Variants in STPG2 observed in about 807,000 individuals in gnomAD.
STPG2 encodes the protein sperm-tail PG-rich repeat-containing protein 2.
In STPG2, 56 loss-of-function variants were observed where a neutral mutation model predicts 54.2. That is an observed-to-expected ratio of 1.03 (90% CI 0.83 to 1.29). The LOEUF (loss-of-function observed/expected upper bound fraction) is 1.29. STPG2 is among the 50% of genes most tolerant of loss of function. The pLI is 0.00. For missense variants in STPG2, 596 were observed against 544.9 expected, an observed-to-expected ratio of 1.09 and a Z score of -0.93; for synonymous variants, 200 against 181.8, an observed-to-expected ratio of 1.10 and a Z score of -0.81.
intron 4 of STPG2, among the ~76,000 whole-genome samples, chr4:97,443,496 T>G (rs1296930212): frequency 6.6e-6 from 1 of 152,136 alleles, no homozygotes; most frequent in East Asian, 1.9e-4. Flanking sequence ...ACGGGGTATT[T>G]GGCAGTTTCC....
chr4:97,910,740 C>A (rs1353919565), intron 8 of STPG2, among the ~76,000 whole-genome samples: 1 of 152,002 alleles, frequency 6.6e-6, no homozygotes, highest in African/African-American at 2.4e-5. Context: ...CAACAGATGA[C>A]AACACCAAGA....
intron 9 of STPG2, among the ~76,000 whole-genome samples, chr4:97,794,491 T>C (rs1222285643): frequency 6.6e-6 from 1 of 152,150 alleles, no homozygotes; most frequent in Non-Finnish European, 1.5e-5. Flanking sequence ...TAATGGGTTT[T>C]AAAATATTTC....
chr4:97,958,035 G>A (rs1733744065), intron 7 of STPG2, among the ~76,000 whole-genome samples: 2 of 152,088 alleles, frequency 1.3e-5, no homozygotes, highest in Non-Finnish European at 1.5e-5. Flanking sequence ...ATGGCCCAGT[G>A]CAGTAGCTCA....
At chr4:97,581,190 C>T (rs2148890972) in intron 10 of STPG2, among the ~76,000 whole-genome samples, 1 of 152,120 alleles carries the variant, frequency 6.6e-6, no homozygotes, top group East Asian at 1.9e-4. Flanking sequence ...ACTTTAGTTG[C>T]TCAACTGACA....
intron 4 of STPG2, among the ~76,000 whole-genome samples, chr4:97,515,066 C>A (rs552800424): frequency 6.6e-6 from 1 of 151,988 alleles, no homozygotes; most frequent in African/African-American, 2.4e-5. Flanking sequence ...CTAAGATGAA[C>A]GTGAGACGTG....
chr4:98,079,323 CA>C (rs1268334259), intron 5 of STPG2, among the ~76,000 whole-genome samples: 1 of 152,142 alleles, frequency 6.6e-6, no homozygotes, highest in African/African-American at 2.4e-5. Flanking sequence ...GCCCAAAGGG[CA>C]GTGTTGGCAA....
intron 10 of STPG2, among the ~76,000 whole-genome samples, chr4:97,696,643 T>C (rs13102002): frequency 0.17 from 26,173 of 152,186 alleles, 2,833 homozygotes; most frequent in Middle Eastern, 0.26. Flanking sequence ...TGGACTAGTA[T>C]TCAGAATCTA....
intron 10 of STPG2, among the ~76,000 whole-genome samples, chr4:97,586,537 T>C (rs1047445443): frequency 2.6e-5 from 4 of 151,814 alleles, no homozygotes; most frequent in Non-Finnish European, 4.4e-5. Context: ...AATCAAACTT[T>C]TGAAAATGAA....
chr4:98,105,003 G>A (rs1739149131), intron 5 of STPG2, among the ~76,000 whole-genome samples: 1 of 152,200 alleles, frequency 6.6e-6, no homozygotes, highest in African/African-American at 2.4e-5. Context: ...CAATAGCTGA[G>A]TCTTGGCCAA....
chr4:97,609,707 C>T (rs867644194), intron 10 of STPG2, among the ~76,000 whole-genome samples: 7 of 151,640 alleles, frequency 4.6e-5, no homozygotes, highest in Admixed American at 6.6e-5. Flanking sequence ...CCATATATTT[C>T]GAAATTAAAA....
intron 9 of STPG2, among the ~76,000 whole-genome samples, chr4:97,821,896 A>G (rs941222460): frequency 1.3e-5 from 2 of 152,180 alleles, no homozygotes; most frequent in African/African-American, 2.4e-5. Context: ...AAGAGCTGCC[A>G]AAAAGATCTC....
At chr4:97,825,760 G>A (rs1218954934) in intron 9 of STPG2, among the ~76,000 whole-genome samples, 1 of 152,050 alleles carries the variant, frequency 6.6e-6, no homozygotes, top group Non-Finnish European at 1.5e-5. Flanking sequence ...TGATTCATTG[G>A]TTTAAAATTA....
intron 10 of STPG2, among the ~76,000 whole-genome samples, chr4:97,599,896 T>C (rs976195534): frequency 3.3e-5 from 5 of 150,640 alleles, no homozygotes; most frequent in Admixed American, 2.0e-4. Flanking sequence ...CTCCATGAAA[T>C]ACTGCTTAGT....
At chr4:97,501,878 C>A (rs1264172897) in intron 4 of STPG2, among the ~76,000 whole-genome samples, 1 of 151,154 alleles carries the variant, frequency 6.6e-6, no homozygotes, top group Admixed American at 6.6e-5. Flanking sequence ...TGAAAGAGAA[C>A]AAAAATGAGT....
In STPG2 at chr4:97,558,997, T is replaced by G; in HGVS notation, c.*61A>C. ...ATATTTGGAATAAATTTTGTTAAAA[T>G]GACAAAGAAATAAACTGACTTCCAT... is the stretch of plus-strand genomic sequence containing the variant. On this transcript the variant is annotated 3_prime_UTR_variant, in exon 11 of 11. Transcript: ENST00000295268. 7.3e-7 allele frequency: 1 copy of G among 1,374,260 alleles called. No homozygotes were observed. Among genetic ancestry groups the G allele is most frequent in the East Asian group, 2.3e-5 (1 of 43,080 alleles). 85.1% of individuals were successfully genotyped at this position (1,374,260 alleles called of 1,614,324 possible).
At chr4:97,884,961 ACAAGATGCAGAAAAG>A (rs1258927416) in intron 8 of STPG2, among the ~76,000 whole-genome samples, 1 of 152,154 alleles carries the variant, frequency 6.6e-6, no homozygotes, top group Non-Finnish European at 1.5e-5. Context: ...ACAAAAGAAA[ACAAGATGCAGAAAAG>A]CATCCCTACA....
intron 5 of STPG2, among the ~76,000 whole-genome samples, chr4:98,023,452 T>A (rs1018212487): frequency 2.6e-5 from 4 of 152,130 alleles, no homozygotes; most frequent in Non-Finnish European, 4.4e-5. Context: ...CTACTGGGGG[T>A]GCCTCCCAGT....
At chr4:97,927,844 G>A (rs190413034) in intron 8 of STPG2, among the ~76,000 whole-genome samples, 121 of 152,124 alleles carry the variant, frequency 8.0e-4, no homozygotes, top group African/African-American at 2.8e-3. Flanking sequence ...ATGGTGCCTG[G>A]CATGGAATAA....
chr4:97,761,620 T>C (rs1365617668), intron 9 of STPG2, among the ~76,000 whole-genome samples: 1 of 152,092 alleles, frequency 6.6e-6, no homozygotes, highest in Non-Finnish European at 1.5e-5. Context: ...ATAACACATA[T>C]TCACAGGTTC....
Sources: allele counts gnomAD v4.1 joint callset (sites outside exome capture counted in the v4.1 genomes callset), GRCh38; gene constraint gnomAD v4.1.1; transcripts MANE v1.5; gene names NCBI Gene and HGNC (gene_info 2026-07-23, HGNC 2026-07-21).